The following ERICH1 variants were observed in gnomAD, a reference collection of about 807,000 sequenced individuals.
ERICH1 encodes glutamate rich 1, also known as glutamate-rich protein 1.
A neutral mutation model predicts 39.6 loss-of-function variants in ERICH1; 56 were observed. The observed-to-expected ratio is 1.41, with a 90% CI of 1.14 to 1.77. The LOEUF is 1.77. Ranked by LOEUF, ERICH1 falls within the 40% of genes most tolerant of loss-of-function variation. The probability of loss-of-function intolerance (pLI) is 0.00; values close to 1 mark genes in which losing one functional copy is unlikely to be tolerated. For synonymous variants in ERICH1, 313 were observed against 223.6 expected, an observed-to-expected ratio of 1.40 and a Z score of -3.57; for missense variants, 826 against 575.4, an observed-to-expected ratio of 1.44 and a Z score of -4.45.
intron 3 of ERICH1, among the ~76,000 whole-genome samples, chr8:623,834 T>C (rs377066409): frequency 2.6e-5 from 4 of 152,208 alleles, no homozygotes; most frequent in African/African-American, 9.6e-5. Context: ...TTCATGACCT[T>C]GGATCAGACC....
At chr8:652,273 G>C (rs1800069820) in intron 3 of ERICH1, among the ~76,000 whole-genome samples, 1 of 152,232 alleles carries the variant, frequency 6.6e-6, no homozygotes, top group African/African-American at 2.4e-5. Flanking sequence ...GATGGAGGGA[G>C]AAGCTGTTCT....
chr8:615,150 G>C (rs951674616), exon 4 of ERICH1: 7 of 621,260 alleles, frequency 1.1e-5, no homozygotes, highest in Admixed American at 8.7e-5. Context: ...TGCTTAAAAA[G>C]TTACTATCAC....
At chr8:632,773 CGCCCAAGTGGGTGACTTT>C (rs1798123361) in intron 3 of ERICH1, among the ~76,000 whole-genome samples, 1 of 152,156 alleles carries the variant, frequency 6.6e-6, no homozygotes, top group Admixed American at 6.5e-5. Flanking sequence ...GGTAACATAA[CGCCCAAGTGGGTGACTTT>C]GCCCTGGGGG....
At chr8:616,218 A>C (rs566662084) in intron 3 of ERICH1, 1 of 230,724 alleles carries the variant, frequency 4.3e-6, no homozygotes, top group South Asian at 5.4e-5. Flanking sequence ...GTAGTCACAT[A>C]AGCCCACGAG....
intron 1 of ERICH1, among the ~76,000 whole-genome samples, chr8:727,119 TACAC>T (rs1818950721): frequency 6.7e-6 from 1 of 150,122 alleles, no homozygotes; most frequent in Non-Finnish European, 1.5e-5. Context: ...CATGCACAGA[TACAC>T]ACCACACACA....
At chr8:720,107 T>A (rs1816947560) in intron 1 of ERICH1, among the ~76,000 whole-genome samples, 1 of 152,370 alleles carries the variant, frequency 6.6e-6, no homozygotes, top group Admixed American at 6.5e-5. Flanking sequence ...AATCTCATCA[T>A]GTCAGTCCTT....
At chr8:636,243 G>A (rs145126144) in intron 3 of ERICH1, among the ~76,000 whole-genome samples, 133 of 152,340 alleles carry the variant, frequency 8.7e-4, no homozygotes, top group African/African-American at 3.0e-3. Flanking sequence ...CGAGCTGGGC[G>A]TTCACAGCCT....
chr8:713,662 G>C (rs543969556), intron 2 of ERICH1, among the ~76,000 whole-genome samples: 1 of 152,252 alleles, frequency 6.6e-6, no homozygotes, highest in South Asian at 2.1e-4. Flanking sequence ...GGGAAGATGT[G>C]TTCAGAGTCA....
At chr8:718,742 C>A (rs973519789) in intron 1 of ERICH1, among the ~76,000 whole-genome samples, 1 of 152,196 alleles carries the variant, frequency 6.6e-6, no homozygotes, top group African/African-American at 2.4e-5. Context: ...AGCCAGGAAT[C>A]AATCTGCTGG....
At chr8:676,692 T>G (rs948772146) in intron 3 of ERICH1, among the ~76,000 whole-genome samples, 1 of 152,166 alleles carries the variant, frequency 6.6e-6, no homozygotes, top group Non-Finnish European at 1.5e-5. Flanking sequence ...CAGACACTGA[T>G]GGGTAAAGTC....
At chr8:638,507 G>C (rs1263493229) in intron 3 of ERICH1, among the ~76,000 whole-genome samples, 1 of 152,168 alleles carries the variant, frequency 6.6e-6, no homozygotes, top group Admixed American at 6.5e-5. Context: ...TTGTCAGGAG[G>C]GAACTGAGTG....
chr8:661,737 G>C (rs1801451495), downstream of ERICH1, among the ~76,000 whole-genome samples: 2 of 152,182 alleles, frequency 1.3e-5, no homozygotes, highest in Admixed American at 1.3e-4. Flanking sequence ...GAATCAGAAT[G>C]ATACACAAAA....
intron 2 of ERICH1, among the ~76,000 whole-genome samples, chr8:710,140 G>A (rs917028116): frequency 2.6e-5 from 4 of 152,056 alleles, no homozygotes; most frequent in East Asian, 1.9e-4. Context: ...TTGCCACCCC[G>A]GTCTGCAGTT....
chr8:638,255 A>G (rs1009985775), intron 3 of ERICH1, among the ~76,000 whole-genome samples: 5 of 152,058 alleles, frequency 3.3e-5, no homozygotes, highest in Non-Finnish European at 2.9e-5. Context: ...GTGTCCTAAG[A>G]CCTTGCTTAC....
chr8:709,726 A>C (rs2132288269), intron 2 of ERICH1, among the ~76,000 whole-genome samples: 1 of 152,336 alleles, frequency 6.6e-6, no homozygotes, highest in South Asian at 2.1e-4. Context: ...CAGCCACTTA[A>C]AAGTGAAAAG....
intron 2 of ERICH1, among the ~76,000 whole-genome samples, chr8:699,342 T>C (rs942389037): frequency 3.9e-5 from 6 of 152,282 alleles, no homozygotes; most frequent in African/African-American, 1.2e-4. Context: ...CCACCCCCGA[T>C]TGCTGTCCCA....
rs12674749 is a variant in ERICH1, at chr8:708,083, G to C, written c.169+7778C>G. Among the ~76,000 whole-genome samples, 7 of 151,708 alleles carry C rather than the reference G, an allele frequency of 4.6e-5. No homozygotes were observed. In the East Asian group the frequency reaches 7.8e-4, roughly 17 times the overall value. ...TCAGAAAAATGGAAAACCACAATGA[G>C]ATACCACTTCACACCTCCTAGGGTG... On this transcript the variant is annotated intron_variant, in intron 2 of 5. Coordinates refer to ENST00000262109, the MANE Select transcript of ERICH1 (RefSeq NM_207332.3).
intron 3 of ERICH1, among the ~76,000 whole-genome samples, chr8:637,055 G>C (rs1169240049): frequency 1.3e-5 from 2 of 152,248 alleles, no homozygotes; most frequent in Admixed American, 1.3e-4. Flanking sequence ...CCTGTTCCTT[G>C]TGCAGTGACC....
At chr8:679,479 GT>G (rs1805633802) in intron 3 of ERICH1, among the ~76,000 whole-genome samples, 1 of 145,458 alleles carries the variant, frequency 6.9e-6, no homozygotes, top group African/African-American at 2.7e-5. Context: ...TCGCAGCTCT[GT>G]GAGGCCTCCA....
Sources: allele counts gnomAD v4.1 joint callset (sites outside exome capture counted in the v4.1 genomes callset), GRCh38; gene constraint gnomAD v4.1.1; transcripts MANE v1.5; gene names NCBI Gene and HGNC (gene_info 2026-07-23, HGNC 2026-07-21).